The following PLEKHH2 variants were observed in gnomAD, a reference collection of about 807,000 sequenced individuals.
PLEKHH2 encodes the protein pleckstrin homology, MyTH4 and FERM domain containing H2.
Under a neutral mutation model 187.9 loss-of-function variants are expected in PLEKHH2, and 129 were observed. The observed-to-expected ratio is 0.69, with a 90% confidence interval of 0.59 to 0.79. The LOEUF (loss-of-function observed/expected upper bound fraction) is 0.79. PLEKHH2 is among the 30% of genes least tolerant of loss of function. The pLI, the probability that PLEKHH2 is intolerant of heterozygous loss-of-function variation, is 0.00. For missense variants in PLEKHH2, 2,076 were observed against 1,751.2 expected (o/e 1.19, Z -3.31); for synonymous variants, 686 against 605.6 (o/e 1.13, Z -1.95).
chr2:43,648,577 G>C (rs1002050648), intron 2 of PLEKHH2, among the ~76,000 whole-genome samples: 1 of 150,282 alleles, frequency 6.7e-6, no homozygotes, highest in African/African-American at 2.4e-5. Flanking sequence ...GTGTGTGTGT[G>C]TGTGTGTGTG....
chr2:43,726,964 TCTCATA>T (rs1670780458), intron 17 of PLEKHH2, among the ~76,000 whole-genome samples: 1 of 152,216 alleles, frequency 6.6e-6, no homozygotes. Flanking sequence ...TAGTTTTTCA[TCTCATA>T]CAGATAGCAA....
chr2:43,713,501 C>A (rs1482128875), intron 15 of PLEKHH2, among the ~76,000 whole-genome samples: 1 of 152,072 alleles, frequency 6.6e-6, no homozygotes, highest in Non-Finnish European at 1.5e-5. Context: ...AAAAGAATAT[C>A]TAATGCTATA....
At chr2:43,643,550 C>G (rs1056000187) in intron 1 of PLEKHH2, among the ~76,000 whole-genome samples, 1 of 151,974 alleles carries the variant, frequency 6.6e-6, no homozygotes, top group Non-Finnish European at 1.5e-5. Flanking sequence ...AGGGAGGATT[C>G]TATATTACGC....
intron 22 of PLEKHH2, among the ~76,000 whole-genome samples, 190 bp downstream of exon 22, chr2:43,743,108 T>C (rs1003256423): frequency 6.6e-6 from 1 of 152,132 alleles, no homozygotes; most frequent in Non-Finnish European, 1.5e-5. Context: ...TAATAACAAA[T>C]CCATACTGAA....
intron 21 of PLEKHH2, 77 bp downstream of exon 21, chr2:43,741,120 C>G (rs1671543633): frequency 3.1e-6 from 4 of 1,274,712 alleles, no homozygotes; most frequent in Non-Finnish European, 4.3e-6. Context: ...ATTTAACGAT[C>G]TGCCAGGTAC....
At chr2:43,739,492 T>A (rs1671461558) in intron 20 of PLEKHH2, among the ~76,000 whole-genome samples, 1 of 152,200 alleles carries the variant, frequency 6.6e-6, no homozygotes, top group Admixed American at 6.5e-5. Context: ...CGGGGTTGGA[T>A]CTAGGTTTTG....
intron 20 of PLEKHH2, 90 bp from the exon 21 acceptor site, chr2:43,740,856 G>T: frequency 2.0e-6 from 3 of 1,523,594 alleles, no homozygotes; most frequent in Non-Finnish European, 2.6e-6. Flanking sequence ...TTTGGGTTAA[G>T]AGAGACTGTC....
intron 3 of PLEKHH2, chr2:43,680,560 T>C (rs1357881135): frequency 1.3e-5 from 2 of 156,328 alleles, no homozygotes; most frequent in Non-Finnish European, 2.9e-5. Context: ...TTTTTAATTT[T>C]TATTTTAGAA....
intron 15 of PLEKHH2, among the ~76,000 whole-genome samples, chr2:43,717,061 G>A (rs781736751): frequency 6.6e-5 from 10 of 152,186 alleles, no homozygotes; most frequent in Non-Finnish European, 8.8e-5. Flanking sequence ...GGGCCAGGAG[G>A]GGACTGATAA....
intron 2 of PLEKHH2, among the ~76,000 whole-genome samples, chr2:43,667,414 T>C (rs1667270221): frequency 6.6e-6 from 1 of 152,214 alleles, no homozygotes; most frequent in Non-Finnish European, 1.5e-5. Flanking sequence ...AGTTATTATA[T>C]GACCCAGAAG....
At chr2:43,756,521 A>G (rs1014143606) in intron 25 of PLEKHH2, among the ~76,000 whole-genome samples, 1 of 152,224 alleles carries the variant, frequency 6.6e-6, no homozygotes, top group African/African-American at 2.4e-5. Context: ...TGCCTTAAAA[A>G]TGAAAAATTG....
intron 2 of PLEKHH2, among the ~76,000 whole-genome samples, chr2:43,676,928 G>A (rs930269246): frequency 3.3e-5 from 5 of 152,016 alleles, no homozygotes; most frequent in Non-Finnish European, 7.4e-5. Flanking sequence ...TTGATCAAGC[G>A]GTCAAATAGG....
At position 43,678,737 on chromosome 2, in the gene PLEKHH2, A is replaced by AGTGGAG. The variant is rs1029434928; in HGVS notation, c.124-93_124-88dup. The AGTGGAG allele has an allele frequency of 3.2e-3, 1,306 of 412,318 alleles. 7 individuals carry two copies. The highest frequency in any genetic ancestry group is 4.4e-3 in the Non-Finnish European group (925 of 211,930). The allele number at this position is 412,318 out of a possible 1,614,324, so 25.5% of individuals were successfully genotyped here. ...GAGGGAGACCGTGGGTAGAGGTGGA[A>AGTGGAG]GTGGAGGTGGAGGTGGAGGTGGAGG... On this transcript the variant is annotated intron_variant, in intron 2 of 29. Transcript: ENST00000282406.
intron 15 of PLEKHH2, among the ~76,000 whole-genome samples, chr2:43,714,828 A>C (rs1239372649): frequency 6.6e-6 from 1 of 152,184 alleles, no homozygotes; most frequent in East Asian, 1.9e-4. Flanking sequence ...ACAAAAGCTT[A>C]TTTACAATGA....
intron 2 of PLEKHH2, among the ~76,000 whole-genome samples, 178 bp from the exon 3 acceptor site, chr2:43,678,685 C>G (rs1042179843): frequency 6.6e-6 from 1 of 151,480 alleles, no homozygotes; most frequent in Non-Finnish European, 1.5e-5. Context: ...GGCTCGGCAT[C>G]AGAGGGAGAC....
rs761087272 is a variant in PLEKHH2, at chr2:43,742,897, C to G, written c.3378C>G (p.His1126Gln). The G allele has an allele frequency of 6.3e-7, 1 of 1,577,152 alleles. No individual in the cohort carries two copies. The highest frequency in any genetic ancestry group is 8.6e-7 in the Non-Finnish European group (1 of 1,165,394). The part of the protein sequence containing the change: ...HHSLPFSIPV[H>Q]FMNGIYQVVG... Reference sequence around the variant, plus strand: ...CTTTGCCCTTTAGTATACCTGTGCACTTCATGAATGGGATATACCAGGTAG... The same window carrying G: ...CTTTGCCCTTTAGTATACCTGTGCAGTTCATGAATGGGATATACCAGGTAG... Residue 1126 changes from histidine (H) to glutamine (Q), a missense_variant, in exon 22 of 30, where the codon CAC becomes CAG. Physicochemically the swap from His to Gln is conservative, Grantham distance 24. Transcript: ENST00000282406.
intron 3 of PLEKHH2, among the ~76,000 whole-genome samples, chr2:43,682,584 C>G (rs1043040151): frequency 6.6e-6 from 1 of 152,192 alleles, no homozygotes; most frequent in Non-Finnish European, 1.5e-5. Flanking sequence ...GGATTACAGG[C>G]ATGAGCCACC....
chr2:43,752,052 C>G (rs1443576608), intron 24 of PLEKHH2, among the ~76,000 whole-genome samples: 1 of 151,968 alleles, frequency 6.6e-6, no homozygotes, highest in Admixed American at 6.6e-5. Context: ...CTTTTTCTCC[C>G]CTTAGCCATA....
In PLEKHH2 at chr2:43,682,061, G is replaced by GC. The variant is rs1195898449; in HGVS notation, c.186+3142dup. ...ATCTGTACCTCCACCCACTTCCCCT[G>GC]CCCCCCTCACACTGGACTATTGAAA... On this transcript the variant is annotated intron_variant, in intron 3 of 29. Transcript: ENST00000282406. 2.6e-5 allele frequency among the ~76,000 whole-genome samples: 4 copies of GC among 151,914 alleles called. No individual in the cohort carries two copies. In the East Asian group the frequency reaches 5.8e-4, roughly 22 times the overall value.
Sources: gnomAD v4.1 joint callset for allele counts (sites outside exome capture counted in the v4.1 genomes callset) on GRCh38, gnomAD v4.1.1 for gene constraint, MANE v1.5 for transcripts, NCBI Gene and HGNC (gene_info 2026-07-23, HGNC 2026-07-21) for gene names.